The following CDKAL1 variants were observed in gnomAD, a reference collection of about 807,000 sequenced individuals.
CDKAL1 encodes threonylcarbamoyladenosine tRNA methylthiotransferase.
In CDKAL1, 32 loss-of-function variants were observed where a neutral mutation model predicts 68.2. The observed-to-expected ratio is 0.47, with a 90% CI of 0.35 to 0.63. The LOEUF (loss-of-function observed/expected upper bound fraction) is 0.63. Among genes scored for constraint, CDKAL1 ranks in the 30% least tolerant of loss-of-function variants. The pLI, the probability that CDKAL1 is intolerant of heterozygous loss-of-function variation, is 0.00. For synonymous variants in CDKAL1, 234 were observed against 244.3 expected (o/e 0.96, Z 0.39); for missense variants, 606 against 696.7 (o/e 0.87, Z 1.47).
intron 9 of CDKAL1, among the ~76,000 whole-genome samples, chr6:20,912,812 T>C (rs1000983718): frequency 6.6e-6 from 1 of 152,164 alleles, no homozygotes; most frequent in African/African-American, 2.4e-5. Context: ...TTCTACTCCC[T>C]CTTACAGAAT....
intron 4 of CDKAL1, among the ~76,000 whole-genome samples, chr6:20,647,430 C>T (rs1581890390): frequency 6.6e-6 from 1 of 152,180 alleles, no homozygotes; most frequent in South Asian, 2.1e-4. Flanking sequence ...TACCTACTTG[C>T]ATATTGTTTA....
At chr6:20,822,465 C>T (rs1218248156) in intron 8 of CDKAL1, among the ~76,000 whole-genome samples, 3 of 152,124 alleles carry the variant, frequency 2.0e-5, no homozygotes, top group South Asian at 2.1e-4. Context: ...CCAGACCTCG[C>T]GATACTTCTC....
At chr6:20,980,929 C>T (rs979298821) in intron 10 of CDKAL1, among the ~76,000 whole-genome samples, 2 of 152,128 alleles carry the variant, frequency 1.3e-5, no homozygotes, top group African/African-American at 2.4e-5. Flanking sequence ...CTCAGACTTA[C>T]GTTATGGTTT....
intron 4 of CDKAL1, among the ~76,000 whole-genome samples, chr6:20,567,394 T>G (rs1218442110): frequency 2.0e-5 from 3 of 152,088 alleles, no homozygotes; most frequent in Non-Finnish European, 4.4e-5. Flanking sequence ...CACTATTACA[T>G]GTAAATGTTT....
At chr6:21,156,204 T>G (rs1019433042) in intron 13 of CDKAL1, among the ~76,000 whole-genome samples, 15 of 152,096 alleles carry the variant, frequency 9.9e-5, no homozygotes, top group African/African-American at 2.9e-4. Context: ...GTGGATCACT[T>G]GAGCTCAGGA....
intron 9 of CDKAL1, among the ~76,000 whole-genome samples, chr6:20,846,777 C>T (rs931657094): frequency 6.6e-6 from 1 of 152,162 alleles, no homozygotes; most frequent in African/African-American, 2.4e-5. Context: ...AGGTCTCTCT[C>T]AGCATATATA....
chr6:20,783,847 G>A (rs929120110), intron 8 of CDKAL1, among the ~76,000 whole-genome samples: 5 of 152,000 alleles, frequency 3.3e-5, no homozygotes, highest in Admixed American at 6.6e-5. Context: ...ATTGTCCCTC[G>A]GTATCTGTAG....
chr6:20,649,476 A>T (rs1364176471), intron 5 of CDKAL1, 99 bp downstream of exon 5: 5 of 635,580 alleles, frequency 7.9e-6, no homozygotes, highest in Non-Finnish European at 1.3e-5. Context: ...TATTTAGTTT[A>T]TATTAAAAAA....
chr6:20,581,736 A>G lies in CDKAL1; in HGVS notation c.286+33031A>G, dbSNP rs111723528. Among the ~76,000 whole-genome samples, 1,136 of 152,312 alleles carry G rather than the reference A, an allele frequency of 7.5e-3. 4 individuals are homozygous for G. The highest frequency in any genetic ancestry group is 0.017 in the Middle Eastern group (5 of 294). ...TTAAAATATAATCTCCAGTTTTGGTATGATTTTACGTATCTATAATTTATA... is the reference window on the plus strand; with the variant it reads ...TTAAAATATAATCTCCAGTTTTGGTGTGATTTTACGTATCTATAATTTATA... On this transcript the variant is annotated intron_variant, in intron 4 of 15. Coordinates refer to ENST00000274695, the MANE Select transcript of CDKAL1 (RefSeq NM_017774.3).
chr6:21,049,045 G>A (rs749080785), intron 11 of CDKAL1, among the ~76,000 whole-genome samples: 1 of 151,972 alleles, frequency 6.6e-6, no homozygotes, highest in African/African-American at 2.4e-5. Flanking sequence ...TGGAGGATGA[G>A]CTTTCTTTTA....
intron 9 of CDKAL1, among the ~76,000 whole-genome samples, chr6:20,849,457 C>A (rs1357503246): frequency 6.6e-6 from 1 of 151,862 alleles, no homozygotes; most frequent in Non-Finnish European, 1.5e-5. Context: ...GTGGCGGGTG[C>A]CTATAGTCTC....
chr6:21,144,993 A>G (rs1776098251), intron 13 of CDKAL1, among the ~76,000 whole-genome samples: 2 of 152,186 alleles, frequency 1.3e-5, no homozygotes, highest in Non-Finnish European at 2.9e-5. Flanking sequence ...CGTGTCCAGA[A>G]TAAGTTCTGC....
chr6:20,606,381 T>C (rs6926585), intron 4 of CDKAL1, among the ~76,000 whole-genome samples: 11 of 152,220 alleles, frequency 7.2e-5, no homozygotes, highest in African/African-American at 2.4e-4. Context: ...GATTTTCTCC[T>C]TATTAAATAG....
chr6:21,177,131 C>T (rs955169939), intron 13 of CDKAL1, among the ~76,000 whole-genome samples: 4 of 152,198 alleles, frequency 2.6e-5, no homozygotes, highest in Non-Finnish European at 5.9e-5. Context: ...AAATTGGAAT[C>T]ATACTGCAAT....
intron 5 of CDKAL1, among the ~76,000 whole-genome samples, chr6:20,672,603 C>T (rs1247223238): frequency 1.3e-5 from 2 of 152,140 alleles, no homozygotes; most frequent in African/African-American, 4.8e-5. Context: ...GATCTGCCCA[C>T]CTGGGCCTCC....
intron 5 of CDKAL1, among the ~76,000 whole-genome samples, chr6:20,715,385 T>C (rs934646318): frequency 8.5e-5 from 13 of 152,226 alleles, no homozygotes; most frequent in African/African-American, 2.9e-4. Context: ...TGACGGGATC[T>C]TCTCCTTCTT....
At chr6:21,065,505 A>G (rs1199553345) in intron 12 of CDKAL1, among the ~76,000 whole-genome samples, 2 of 152,060 alleles carry the variant, frequency 1.3e-5, no homozygotes, top group African/African-American at 4.8e-5. Flanking sequence ...CTGTGTGTAG[A>G]AGATAAACTT....
intron 9 of CDKAL1, among the ~76,000 whole-genome samples, chr6:20,896,288 C>T (rs1175014745): frequency 2.0e-5 from 3 of 151,854 alleles, no homozygotes; most frequent in Non-Finnish European, 2.9e-5. Flanking sequence ...TTAGTAAAGA[C>T]GGGGTTTCAC....
chr6:21,060,482 A>T (rs1771082579), intron 11 of CDKAL1, among the ~76,000 whole-genome samples: 1 of 151,868 alleles, frequency 6.6e-6, no homozygotes, highest in Admixed American at 6.5e-5. Flanking sequence ...TTTTTCAAAG[A>T]TGTACTTTTT....
Sources: allele counts gnomAD v4.1 joint callset (sites outside exome capture counted in the v4.1 genomes callset), GRCh38; gene constraint gnomAD v4.1.1; transcripts MANE v1.5; gene names NCBI Gene and HGNC (gene_info 2026-07-23, HGNC 2026-07-21).